NCKAP5: variants seen among roughly 807,000 people sequenced by gnomAD.
NCKAP5 encodes NCK associated protein 5.
A neutral mutation model predicts 167.0 loss-of-function variants in NCKAP5; 92 were observed. The observed-to-expected ratio is 0.55, with a 90% CI of 0.47 to 0.66. The LOEUF is 0.66. Among genes scored for constraint, NCKAP5 ranks in the 30% least tolerant of loss-of-function variants. The pLI, the probability that NCKAP5 is intolerant of heterozygous loss-of-function variation, is 0.00. For missense variants in NCKAP5, 2,378 were observed against 2,315.0 expected (o/e 1.03, Z -0.56); for synonymous variants, 891 against 877.4 (o/e 1.02, Z -0.27).
upstream of NCKAP5, among the ~76,000 whole-genome samples, chr2:133,569,125 T>A (rs186178159): frequency 2.4e-4 from 36 of 152,186 alleles, no homozygotes; most frequent in East Asian, 7.0e-3. Flanking sequence ...TAAATAAGAA[T>A]CTGTGCCAAG....
At chr2:132,901,841 A>G (rs1693652033) in intron 8 of NCKAP5, among the ~76,000 whole-genome samples, 1 of 152,236 alleles carries the variant, frequency 6.6e-6, no homozygotes, top group South Asian at 2.1e-4. Flanking sequence ...TCTGGTTCCA[A>G]TTTGCAAATG....
At chr2:133,482,202 A>T (rs546673739) in intron 3 of NCKAP5, among the ~76,000 whole-genome samples, 2 of 151,916 alleles carry the variant, frequency 1.3e-5, no homozygotes, top group East Asian at 3.9e-4. Context: ...TATATATATA[A>T]AATTTTCCTT....
At chr2:133,249,030 C>T (rs1477809045) in intron 4 of NCKAP5, among the ~76,000 whole-genome samples, 1 of 152,108 alleles carries the variant, frequency 6.6e-6, no homozygotes, top group East Asian at 1.9e-4. Context: ...TAACCTGGAC[C>T]GTGTCTTCCC....
rs981775883 is a variant in NCKAP5, at chr2:132,781,087, T to C, written c.5014A>G (p.Ile1672Val). The change falls in exon 15 of 20, where the codon ATC becomes GTC. Residue 1672 changes from isoleucine (I) to valine (V), a missense_variant. By Grantham distance (29) the Ile-to-Val change is conservative. This residue lies in a region of NCKAP5 where 1,325 missense variants were observed against 1,274.5 expected (regional missense o/e 1.04). Coordinates refer to ENST00000409261, the MANE Select transcript of NCKAP5 (RefSeq NM_207363.3). ...TTTGGTACTTCCATATCGGCTTTGATTTTCATGTTTTTCTTGTGGTTTCCT... is the reference window on the plus strand; with the variant it reads ...TTTGGTACTTCCATATCGGCTTTGACTTTCATGTTTTTCTTGTGGTTTCCT... Reference protein sequence around the residue: ...TQGNHKKNMKIKADMEVPKDS... With the variant: ...TQGNHKKNMKVKADMEVPKDS... The C allele has an allele frequency of 6.2e-7, 1 of 1,613,726 alleles. No homozygotes were observed. The highest frequency in any genetic ancestry group is 1.7e-5 in the Admixed American group (1 of 59,988).
intron 8 of NCKAP5, among the ~76,000 whole-genome samples, chr2:132,960,198 T>C (rs892730851): frequency 6.6e-6 from 1 of 152,142 alleles, no homozygotes; most frequent in African/African-American, 2.4e-5. Context: ...GGAGGCGTTT[T>C]TAGGAAGGTA....
chr2:132,944,493 G>C (rs1464161748), intron 8 of NCKAP5, among the ~76,000 whole-genome samples: 3 of 152,080 alleles, frequency 2.0e-5, no homozygotes, highest in Non-Finnish European at 4.4e-5. Flanking sequence ...TTTAAATATA[G>C]AGCAATGACA....
intron 2 of NCKAP5, among the ~76,000 whole-genome samples, chr2:133,547,309 C>A (rs1343443008): frequency 6.6e-6 from 1 of 152,212 alleles, no homozygotes; most frequent in Admixed American, 6.5e-5. Context: ...GGAGGGGCAC[C>A]CGCCATTGCC....
the NCKAP5 span, among the ~76,000 whole-genome samples, chr2:133,673,232 C>T: frequency 2.3e-3 from 343 of 152,212 alleles, no homozygotes; most frequent in African/African-American, 8.0e-3. Flanking sequence ...GTGTGCCATC[C>T]CACTTTTCTT....
At chr2:133,180,194 T>G (rs1413595476) in intron 5 of NCKAP5, among the ~76,000 whole-genome samples, 1 of 151,788 alleles carries the variant, frequency 6.6e-6, no homozygotes, top group African/African-American at 2.4e-5. Context: ...AGAATGCCAA[T>G]CCCAGAATCC....
intron 19 of NCKAP5, among the ~76,000 whole-genome samples, chr2:132,698,340 A>G (rs1309650829): frequency 6.6e-6 from 1 of 152,234 alleles, no homozygotes; most frequent in Non-Finnish European, 1.5e-5. Flanking sequence ...TTAGTCTTCA[A>G]AATTATTCTT....
At chr2:133,250,451 C>T (rs1325920165) in intron 4 of NCKAP5, among the ~76,000 whole-genome samples, 3 of 152,202 alleles carry the variant, frequency 2.0e-5, no homozygotes, top group African/African-American at 7.2e-5. Context: ...CCTGGGTACC[C>T]ACCACCAGCT....
chr2:132,896,357 C>T (rs571698838), intron 8 of NCKAP5, among the ~76,000 whole-genome samples: 18 of 152,248 alleles, frequency 1.2e-4, no homozygotes, highest in African/African-American at 3.6e-4. Context: ...CTTTGAAAAT[C>T]GTGGAAAACG....
intron 19 of NCKAP5, among the ~76,000 whole-genome samples, chr2:132,723,301 C>A (rs1573994849): frequency 4.0e-5 from 6 of 151,842 alleles, no homozygotes; most frequent in Admixed American, 2.6e-4. Context: ...GTAGCTGGGA[C>A]TACAGGCGCC....
At chr2:133,529,219 G>A (rs1385074000) in intron 2 of NCKAP5, among the ~76,000 whole-genome samples, 5 of 151,964 alleles carry the variant, frequency 3.3e-5, no homozygotes, top group Non-Finnish European at 7.4e-5. Flanking sequence ...AATGTATATA[G>A]AGTATAATAT....
chr2:132,684,390 C>A (rs987831831), intron 19 of NCKAP5, among the ~76,000 whole-genome samples: 1 of 152,210 alleles, frequency 6.6e-6, no homozygotes, highest in Non-Finnish European at 1.5e-5. Context: ...ACCCTTCTGT[C>A]AGGCAAGAAA....
the NCKAP5 span, among the ~76,000 whole-genome samples, chr2:133,615,346 C>T: frequency 1.3e-5 from 2 of 151,282 alleles, no homozygotes; most frequent in South Asian, 4.2e-4. Context: ...TTAAAAGACA[C>T]AGACGGGCAA....
intron 3 of NCKAP5, among the ~76,000 whole-genome samples, chr2:133,326,257 C>G (rs962771101): frequency 6.6e-6 from 1 of 152,070 alleles, no homozygotes; most frequent in Non-Finnish European, 1.5e-5. Context: ...AGATTGAGGC[C>G]ATCCTGGCCA....
intron 19 of NCKAP5, among the ~76,000 whole-genome samples, chr2:132,704,898 G>A (rs4954353): frequency 0.39 from 59,283 of 152,000 alleles, 13,186 homozygotes; most frequent in East Asian, 0.55. Context: ...CTAACTTCAA[G>A]TTGATAAGAT....
At chr2:133,045,744 A>G (rs1044445531) in intron 6 of NCKAP5, among the ~76,000 whole-genome samples, 4 of 152,232 alleles carry the variant, frequency 2.6e-5, no homozygotes, top group Non-Finnish European at 4.4e-5. Flanking sequence ...AACATTCTGT[A>G]ATAAAAGTTA....
Sources: allele counts gnomAD v4.1 joint callset (sites outside exome capture counted in the v4.1 genomes callset), GRCh38; gene constraint gnomAD v4.1.1; regional missense constraint gnomAD v4.1.1; transcripts MANE v1.5; gene names NCBI Gene and HGNC (gene_info 2026-07-23, HGNC 2026-07-21).